Variants in TTC39B observed in about 807,000 individuals in gnomAD.
The protein encoded by TTC39B is tetratricopeptide repeat protein 39B.
TTC39B carries 92 observed loss-of-function variants against 96.6 expected under a neutral mutation model. That is an observed-to-expected ratio of 0.95 (90% CI 0.80 to 1.13). The LOEUF is 1.13. Among genes scored for constraint, TTC39B ranks in the 50% most tolerant of loss-of-function variants. TTC39B has a pLI of 0.00. For missense variants in TTC39B, 955 were observed against 809.3 expected (o/e 1.18, Z -2.18); for synonymous variants, 367 against 299.4 (o/e 1.23, Z -2.33).
At chr9:15,211,732 T>G (rs186042840) in intron 4 of TTC39B, among the ~76,000 whole-genome samples, 33 of 152,302 alleles carry the variant, frequency 2.2e-4, no homozygotes, top group Admixed American at 3.9e-4. Flanking sequence ...CTGAAATAAG[T>G]GCTAAAATAA....
chr9:15,204,164 A>G (rs1011188167), intron 6 of TTC39B, among the ~76,000 whole-genome samples: 1 of 152,214 alleles, frequency 6.6e-6, no homozygotes, highest in Non-Finnish European at 1.5e-5. Context: ...AACTCAACTC[A>G]CAAGGGGAAA....
At chr9:15,291,426 G>A (rs915187576) in intron 1 of TTC39B, among the ~76,000 whole-genome samples, 5 of 152,156 alleles carry the variant, frequency 3.3e-5, no homozygotes, top group African/African-American at 4.8e-5. Flanking sequence ...TGCCATCTGC[G>A]ATGATGGTGA....
chr9:15,237,349 T>C (rs753049078), intron 2 of TTC39B, among the ~76,000 whole-genome samples: 19 of 152,106 alleles, frequency 1.2e-4, no homozygotes, highest in Non-Finnish European at 2.5e-4. Flanking sequence ...GAAAAGTCGG[T>C]TCTTCAAAAG....
chr9:15,225,780 A>C (rs1015951407), intron 3 of TTC39B, 137 bp downstream of exon 3: 5 of 541,086 alleles, frequency 9.2e-6, no homozygotes, highest in Admixed American at 7.7e-5. Flanking sequence ...TAAAATGGGC[A>C]CTCTACTTGC....
exon 20 of TTC39B, chr9:15,166,980 TTTTATA>T (rs1817529058): frequency 4.9e-5 from 2 of 40,444 alleles, no homozygotes; most frequent in African/African-American, 1.9e-4. Context: ...CAAACCTTTA[TTTTATA>T]TATATATATA....
chr9:15,189,779 C>T (rs1415982796), exon 12 of TTC39B: 1 of 1,611,326 alleles, frequency 6.2e-7, no homozygotes, highest in South Asian at 1.1e-5. Flanking sequence ...CCGCAACATT[C>T]ACTTCTCCTG....
chr9:15,292,113 G>A (rs975811685), intron 1 of TTC39B, among the ~76,000 whole-genome samples: 11 of 152,172 alleles, frequency 7.2e-5, no homozygotes, highest in Non-Finnish European at 1.5e-4. Flanking sequence ...TTACAGACAG[G>A]AAAGAATCAT....
chr9:15,281,703 G>T (rs1357486582), intron 1 of TTC39B, among the ~76,000 whole-genome samples: 4 of 146,680 alleles, frequency 2.7e-5, no homozygotes, highest in African/African-American at 5.3e-5. Context: ...TTGAGACAGG[G>T]TCTCACTCTG....
chr9:15,165,989 A>C (rs934972042), exon 20 of TTC39B: 3 of 152,182 alleles, frequency 2.0e-5, no homozygotes, highest in Non-Finnish European at 4.4e-5. Context: ...AGACCAATTT[A>C]TTTCTTTCCC....
intron 6 of TTC39B, among the ~76,000 whole-genome samples, chr9:15,208,601 T>A (rs989542536): frequency 6.6e-6 from 1 of 152,162 alleles, no homozygotes; most frequent in African/African-American, 2.4e-5. Context: ...AGATGGAAAA[T>A]ATGCAGACAC....
chr9:15,186,578 C>A (rs1482190092), intron 15 of TTC39B: 1 of 164,964 alleles, frequency 6.1e-6, no homozygotes, highest in Non-Finnish European at 1.3e-5. Context: ...TATCTTAATA[C>A]TCCCTTCCAT....
At chr9:15,167,424 A>G (rs1393192890) in exon 20 of TTC39B, 2 of 151,976 alleles carry the variant, frequency 1.3e-5, no homozygotes, top group Non-Finnish European at 2.9e-5. Context: ...AGCAATGGAA[A>G]AGATTCCACT....
intron 17 of TTC39B, among the ~76,000 whole-genome samples, chr9:15,179,000 G>A (rs1209592919): frequency 6.6e-6 from 1 of 152,148 alleles, no homozygotes; most frequent in African/African-American, 2.4e-5. Context: ...TACATGAAAG[G>A]CACCTAAAAT....
chr9:15,242,680 T>C (rs1822098832), intron 2 of TTC39B, among the ~76,000 whole-genome samples: 2 of 152,188 alleles, frequency 1.3e-5, no homozygotes, highest in Non-Finnish European at 2.9e-5. Flanking sequence ...TTCATCCTTC[T>C]AGACCACCTT....
At chr9:15,248,435 C>T (rs542640978) in intron 2 of TTC39B, among the ~76,000 whole-genome samples, 12 of 152,252 alleles carry the variant, frequency 7.9e-5, no homozygotes, top group African/African-American at 2.9e-4. Flanking sequence ...AGTACTTACA[C>T]TTCTACAGGT....
intron 2 of TTC39B, among the ~76,000 whole-genome samples, chr9:15,263,306 C>A (rs1478142342): frequency 6.6e-6 from 1 of 152,194 alleles, no homozygotes; most frequent in Admixed American, 6.5e-5. Context: ...CTCCCATTAT[C>A]ACATTTAACT....
intron 1 of TTC39B, among the ~76,000 whole-genome samples, chr9:15,293,114 C>G (rs932720443): frequency 6.6e-6 from 1 of 152,154 alleles, no homozygotes; most frequent in Non-Finnish European, 1.5e-5. Context: ...CCACATTTTA[C>G]TGTGCCTTTT....
At chr9:15,272,355 G>A (rs1335017043) in intron 1 of TTC39B, among the ~76,000 whole-genome samples, 1 of 152,144 alleles carries the variant, frequency 6.6e-6, no homozygotes, top group Non-Finnish European at 1.5e-5. Flanking sequence ...TAGCTCCCCA[G>A]TACTGGTGGG....
intron 8 of TTC39B, among the ~76,000 whole-genome samples, chr9:15,195,831 G>A (rs1488994467): frequency 6.6e-6 from 1 of 152,206 alleles, no homozygotes; most frequent in Non-Finnish European, 1.5e-5. Flanking sequence ...ATTGGAAGAA[G>A]ATGCTATCTA....
Sources: gnomAD v4.1 joint callset for allele counts (sites outside exome capture counted in the v4.1 genomes callset) on GRCh38, gnomAD v4.1.1 for gene constraint, MANE v1.5 for transcripts, NCBI Gene and HGNC (gene_info 2026-07-23, HGNC 2026-07-21) for gene names.